EYA3: variants seen among roughly 807,000 people sequenced by gnomAD.
EYA3 encodes protein phosphatase EYA3.
In EYA3, 39 loss-of-function variants were observed where a neutral mutation model predicts 80.0. The observed-to-expected ratio is 0.49, with a 90% CI of 0.38 to 0.64. EYA3 has a LOEUF of 0.64. Ranked by LOEUF, EYA3 falls within the 30% of genes least tolerant of loss-of-function variation. The pLI is 0.00. For synonymous variants in EYA3, 206 were observed against 232.8 expected, an observed-to-expected ratio of 0.88 and a Z score of 1.05; for missense variants, 523 against 676.1, an observed-to-expected ratio of 0.77 and a Z score of 2.51.
intron 17 of EYA3, among the ~76,000 whole-genome samples, chr1:27,977,676 C>T (rs972473241): frequency 2.4e-4 from 37 of 151,894 alleles, no homozygotes; most frequent in African/African-American, 7.5e-4. Flanking sequence ...CGGGAAACCC[C>T]GTCTCTACTA....
chr1:28,042,208 A>G (rs1213411269), intron 4 of EYA3, among the ~76,000 whole-genome samples: 1 of 152,224 alleles, frequency 6.6e-6, no homozygotes, highest in East Asian at 1.9e-4. Flanking sequence ...AACTCAAGAC[A>G]CACCTTTTAA....
intron 1 of EYA3, among the ~76,000 whole-genome samples, chr1:28,081,049 G>A (rs1364955175): frequency 6.6e-6 from 1 of 151,970 alleles, no homozygotes; most frequent in Non-Finnish European, 1.5e-5. Context: ...GAGCCACTGC[G>A]CCCGGCCGAT....
intron 7 of EYA3, among the ~76,000 whole-genome samples, chr1:28,023,870 T>C (rs892673923): frequency 1.3e-5 from 2 of 152,202 alleles, no homozygotes; most frequent in African/African-American, 4.8e-5. Flanking sequence ...TGGGAAACTG[T>C]GCAGGAGGAG....
At chr1:28,000,572 A>C (rs986972766) in intron 11 of EYA3, among the ~76,000 whole-genome samples, 3 of 148,632 alleles carry the variant, frequency 2.0e-5, no homozygotes, top group Admixed American at 2.0e-4. Flanking sequence ...TCGGCCTCCC[A>C]AAGTGCTGGG....
At chr1:28,002,761 G>A (rs1347692446) in intron 11 of EYA3, among the ~76,000 whole-genome samples, 1 of 151,924 alleles carries the variant, frequency 6.6e-6, no homozygotes, top group Non-Finnish European at 1.5e-5. Flanking sequence ...GCAGTGAGCT[G>A]TGTTTGCGCC....
rs1310425709 is a variant in EYA3 at position 28,076,605 on chromosome 1, T to G, written c.-69+11919A>C. On this transcript the variant is annotated intron_variant, in intron 1 of 17. Coordinates refer to ENST00000373871, the MANE Select transcript of EYA3 (RefSeq NM_001990.4). ...ACATGCCTGTAGTCCCAGGTGGAGG[T>G]TGCAGTGAGCTGAGATCGCACCACT... is the stretch of plus-strand genomic sequence containing the variant. Among the ~76,000 whole-genome samples, 3 of 146,466 alleles carry G rather than the reference T, an allele frequency of 2.0e-5. No homozygotes were observed. In the South Asian group the frequency reaches 6.4e-4, roughly 31 times the overall value.
rs1642892270 is a variant in EYA3, at chr1:28,028,046, T to C, written c.362-120A>G. 7 of 1,176,966 alleles carry C rather than the reference T, an allele frequency of 5.9e-6. No homozygotes were observed. In the South Asian group the frequency reaches 1.1e-4, roughly 19 times the overall value. 72.9% of individuals were successfully genotyped at this position (1,176,966 alleles called of 1,614,324 possible). On this transcript the variant is annotated intron_variant, in intron 6 of 17. Coordinates refer to ENST00000373871, the MANE Select transcript of EYA3 (RefSeq NM_001990.4). ...AATCTTAAAACAAAAATAAATTTGC[T>C]TGTAAGAGAAAATTATTGAATCTCC...
intron 8 of EYA3, among the ~76,000 whole-genome samples, chr1:28,014,138 C>A (rs6671333): frequency 0.24 from 35,857 of 151,874 alleles, 4,349 homozygotes; most frequent in Non-Finnish European, 0.27. Flanking sequence ...GTTTCCTGGC[C>A]GGGAACAGTG....
At position 27,974,259 on chromosome 1, in the gene EYA3, CAG is replaced by C. The variant is rs3831952; in HGVS notation, c.*205_*206del. On this transcript the variant is annotated 3_prime_UTR_variant, in exon 18 of 18. Transcript: ENST00000373871. Reference sequence around the variant, plus strand: ...CTCGCCAGCATTCCATGGATAAAGACAGAGAGAGAGAGAGAGAGAGAGGCAGA... The same window carrying C: ...CTCGCCAGCATTCCATGGATAAAGACAGAGAGAGAGAGAGAGAGAGGCAGA... The C allele has an allele frequency of 0.13, 43,046 of 319,080 alleles. 12 individuals carry two copies. Among genetic ancestry groups the C allele is most frequent in the South Asian group, 0.2 (4,116 of 20,788 alleles). 19.8% of individuals were successfully genotyped at this position (319,080 alleles called of 1,614,324 possible).
intron 6 of EYA3, among the ~76,000 whole-genome samples, chr1:28,030,370 G>A (rs953235555): frequency 5.3e-5 from 8 of 152,164 alleles, no homozygotes; most frequent in Admixed American, 1.3e-4. Flanking sequence ...ATAGCTCACT[G>A]CAGCCTCAAC....
Position 28,023,875 on chromosome 1 carries a change from G to A in EYA3, c.499+3914C>T, listed in dbSNP as rs190626737. Among the ~76,000 whole-genome samples, 104 of 152,288 alleles carry A rather than the reference G, an allele frequency of 6.8e-4. 1 individual carries two copies. Among genetic ancestry groups the A allele is most frequent in the South Asian group, 8.3e-4 (4 of 4,828 alleles). Reference sequence around the variant, plus strand: ...ATGTTAATAATGGGAAACTGTGCAGGAGGAGGGATATATGGGAACTCTCTG... The same window carrying A: ...ATGTTAATAATGGGAAACTGTGCAGAAGGAGGGATATATGGGAACTCTCTG... On this transcript the variant is annotated intron_variant, in intron 7 of 17. Coordinates refer to ENST00000373871, the MANE Select transcript of EYA3 (RefSeq NM_001990.4).
At chr1:28,072,113 A>C (rs2761452) in intron 1 of EYA3, among the ~76,000 whole-genome samples, 5,615 of 151,750 alleles carry the variant, frequency 0.037, 302 homozygotes, top group African/African-American at 0.13. Flanking sequence ...CATTCCCCCC[A>C]AAAAAATTAT....
intron 7 of EYA3, among the ~76,000 whole-genome samples, chr1:28,024,810 C>A (rs1024723310): frequency 6.6e-6 from 1 of 152,210 alleles, no homozygotes; most frequent in Non-Finnish European, 1.5e-5. Flanking sequence ...GATGATACTA[C>A]AGAAGTCAGA....
In EYA3 at chr1:28,007,698, TA is replaced by T. The variant is rs1464232247; in HGVS notation, c.909+3248del. Among the ~76,000 whole-genome samples, 424 of 152,242 alleles carry T rather than the reference TA, an allele frequency of 2.8e-3. 3 individuals are homozygous for T. The highest frequency in any genetic ancestry group is 9.7e-3 in the African/African-American group (405 of 41,550). On this transcript the variant is annotated intron_variant, in intron 10 of 17. Transcript: ENST00000373871. ...AAGGAAATTTAAAAACCTTTTGTGA[TA>T]GCATCAAAAAGAAAATACTTAGGAA...
rs148290607 is a variant in EYA3 at position 27,989,654 on chromosome 1, T to C, written c.1418+43A>G. On this transcript the variant is annotated intron_variant, in intron 15 of 17. Transcript: ENST00000373871. ...CTTATCCTGAACTGGAGTAGAAGAA[T>C]ATGTCGCTGAGAGGATGAGACCTAA... is the stretch of plus-strand genomic sequence containing the variant. 48 of 1,294,742 alleles carry C rather than the reference T, an allele frequency of 3.7e-5. No homozygotes were observed. The African/African-American group carries it at 5.6e-4, about 15-fold the overall frequency. The allele number at this position is 1,294,742 out of a possible 1,614,324, so 80.2% of individuals were successfully genotyped here.
rs144095543 is a variant in EYA3 at position 27,975,841 on chromosome 1, C to G, written c.1642-1295G>C. 6.5e-3 allele frequency among the ~76,000 whole-genome samples: 987 copies of G among 152,170 alleles called. 9 individuals are homozygous for G. The highest frequency in any genetic ancestry group is 0.022 in the African/African-American group (912 of 41,492). ...ATATTTTTTGAGACAGAGTCTCACT[C>G]TTTTGCCCAGGCTGGGGTGCAGTGG... is the stretch of plus-strand genomic sequence containing the variant. On this transcript the variant is annotated intron_variant, in intron 17 of 17. Transcript: ENST00000373871.
At chr1:27,997,489 G>A in intron 12 of EYA3, 111 bp from the exon 13 acceptor site, 2 of 945,796 alleles carry the variant, frequency 2.1e-6, no homozygotes. Flanking sequence ...AATGCCTTAT[G>A]GAATCTCTTA....
At chr1:28,008,762 G>A (rs917552814) in intron 10 of EYA3, among the ~76,000 whole-genome samples, 2 of 152,052 alleles carry the variant, frequency 1.3e-5, no homozygotes, top group African/African-American at 4.8e-5. Flanking sequence ...TGGCCAACAT[G>A]GTGAAACCCC....
At chr1:28,062,334 A>T (rs187594090) in intron 1 of EYA3, among the ~76,000 whole-genome samples, 129 of 152,330 alleles carry the variant, frequency 8.5e-4, no homozygotes, top group African/African-American at 2.5e-3. Context: ...ACAGTGAAAA[A>T]ATAGAAACTT....
Sources: allele counts gnomAD v4.1 joint callset (sites outside exome capture counted in the v4.1 genomes callset), GRCh38; gene constraint gnomAD v4.1.1; transcripts MANE v1.5; gene names NCBI Gene and HGNC (gene_info 2026-07-23, HGNC 2026-07-21).